The following OXR1 variants were observed in gnomAD, a reference collection of about 807,000 sequenced individuals.
OXR1 encodes oxidation resistance 1, also known as oxidation resistance protein 1.
OXR1 carries 41 observed loss-of-function variants against 104.6 expected under a neutral mutation model. The observed-to-expected ratio is 0.39, with a 90% CI of 0.31 to 0.51. The LOEUF (loss-of-function observed/expected upper bound fraction) is 0.51. Ranked by LOEUF, OXR1 falls within the 20% of genes least tolerant of loss-of-function variation. OXR1 has a pLI of 0.77. For missense variants in OXR1, 955 were observed against 1,031.9 expected, an observed-to-expected ratio of 0.93 and a Z score of 1.02; for synonymous variants, 348 against 348.4, an observed-to-expected ratio of 1.00 and a Z score of 0.01.
At chr8:106,734,849 A>G (rs549710171) in intron 11 of OXR1, among the ~76,000 whole-genome samples, 18 of 152,356 alleles carry the variant, frequency 1.2e-4, no homozygotes, top group Admixed American at 2.0e-4. Flanking sequence ...CTTAGTTCCT[A>G]TAGATAGGAG....
intron 2 of OXR1, among the ~76,000 whole-genome samples, chr8:106,411,574 C>G (rs779346813): frequency 4.6e-5 from 7 of 152,156 alleles, no homozygotes; most frequent in Non-Finnish European, 8.8e-5. Context: ...ATTCCCTGTC[C>G]TTCACACAAT....
chr8:106,317,419 G>T lies in OXR1; in HGVS notation c.-138-42057G>T, dbSNP rs555384791. Among the ~76,000 whole-genome samples the T allele has an allele frequency of 3.8e-4, 58 of 152,098 alleles. 1 individual carries two copies. The South Asian group carries it at 9.3e-3, about 25-fold the overall frequency. The stretch of plus-strand genomic sequence containing the variant: ...TTCATTTATTTATTTTTAGCAATAG[G>T]AATACAGGAAACTATACCAAATTTA... On this transcript the variant is annotated intron_variant, in intron 1 of 16. Coordinates refer to ENST00000517566, the MANE Select transcript of OXR1 (RefSeq NM_001198533.2).
intron 3 of OXR1, among the ~76,000 whole-genome samples, chr8:106,641,074 T>C (rs757189595): frequency 6.6e-6 from 1 of 152,238 alleles, no homozygotes; most frequent in Non-Finnish European, 1.5e-5. Context: ...CCAATCATGC[T>C]AATGACATTT....
At chr8:106,377,050 A>T (rs1266463730) in intron 2 of OXR1, among the ~76,000 whole-genome samples, 1 of 152,224 alleles carries the variant, frequency 6.6e-6, no homozygotes, top group South Asian at 2.1e-4. Context: ...ATGGAACTCT[A>T]TGGAATAATT....
intron 1 of OXR1, among the ~76,000 whole-genome samples, chr8:106,336,060 C>T (rs1011214382): frequency 4.6e-5 from 7 of 152,176 alleles, no homozygotes; most frequent in Non-Finnish European, 1.0e-4. Flanking sequence ...CATGCCACTG[C>T]ACTCCAGTCT....
intron 1 of OXR1, among the ~76,000 whole-genome samples, chr8:106,315,405 A>G (rs1424959801): frequency 6.6e-6 from 1 of 152,188 alleles, no homozygotes; most frequent in Non-Finnish European, 1.5e-5. Flanking sequence ...TATATATGTT[A>G]AATCCCAAGA....
intron 1 of OXR1, among the ~76,000 whole-genome samples, chr8:106,353,444 T>C (rs1017272228): frequency 6.6e-5 from 10 of 151,776 alleles, no homozygotes; most frequent in African/African-American, 2.4e-4. Flanking sequence ...CTTTCCCCAA[T>C]GATTGACTTA....
intron 2 of OXR1, among the ~76,000 whole-genome samples, chr8:106,408,928 C>G (rs1453033317): frequency 1.3e-5 from 2 of 152,138 alleles, no homozygotes; most frequent in Non-Finnish European, 2.9e-5. Context: ...GTTCCCGTTT[C>G]AGGGAACGTC....
intron 1 of OXR1, among the ~76,000 whole-genome samples, chr8:106,347,921 A>G (rs1013979941): frequency 1.3e-5 from 2 of 152,198 alleles, no homozygotes; most frequent in Non-Finnish European, 2.9e-5. Flanking sequence ...CCGTAACATG[A>G]GTTTTCTGAT....
chr8:106,617,386 G>A (rs184573437), intron 3 of OXR1, among the ~76,000 whole-genome samples: 3 of 152,170 alleles, frequency 2.0e-5, no homozygotes, highest in South Asian at 2.1e-4. Context: ...TGAAGATGGC[G>A]CCACTGTACT....
At chr8:106,392,110 C>T (rs1817605798) in intron 2 of OXR1, among the ~76,000 whole-genome samples, 1 of 152,208 alleles carries the variant, frequency 6.6e-6, no homozygotes, top group African/African-American at 2.4e-5. Flanking sequence ...GCTCTTGGTA[C>T]TCTCTGCTGG....
chr8:106,416,350 A>C (rs973243136), intron 2 of OXR1, among the ~76,000 whole-genome samples: 1 of 152,122 alleles, frequency 6.6e-6, no homozygotes, highest in African/African-American at 2.4e-5. Flanking sequence ...TAAAGCTACA[A>C]TTTAAAATTA....
chr8:106,486,283 G>T (rs1052355515), intron 2 of OXR1, among the ~76,000 whole-genome samples: 1 of 152,056 alleles, frequency 6.6e-6, no homozygotes, highest in East Asian at 1.9e-4. Context: ...TAAAAGAAAT[G>T]TTACATTACA....
intron 2 of OXR1, among the ~76,000 whole-genome samples, chr8:106,435,485 A>G (rs1819535184): frequency 6.6e-6 from 1 of 152,138 alleles, no homozygotes; most frequent in South Asian, 2.1e-4. Flanking sequence ...TGTTCCAATA[A>G]TTACCAGTAC....
At chr8:106,663,137 G>T (rs888967398) in intron 3 of OXR1, among the ~76,000 whole-genome samples, 13 of 152,130 alleles carry the variant, frequency 8.5e-5, no homozygotes, top group Admixed American at 3.3e-4. Flanking sequence ...TAGCAAGAAT[G>T]ATAGCTGTAA....
chr8:106,372,904 T>C (rs1816766207), intron 2 of OXR1, among the ~76,000 whole-genome samples: 1 of 152,234 alleles, frequency 6.6e-6, no homozygotes, highest in Non-Finnish European at 1.5e-5. Context: ...ATTATGTTTT[T>C]ATAAATTGTG....
intron 2 of OXR1, 58 bp from the exon 3 acceptor site, chr8:106,518,885 T>C: frequency 3.1e-6 from 4 of 1,277,060 alleles, no homozygotes; most frequent in Non-Finnish European, 4.3e-6. Context: ...ATTATAAACA[T>C]GGAACAAATG....
At chr8:106,467,917 G>C (rs1399055366) in intron 2 of OXR1, among the ~76,000 whole-genome samples, 2 of 151,970 alleles carry the variant, frequency 1.3e-5, no homozygotes, top group Admixed American at 6.6e-5. Context: ...TTTGTGTTTA[G>C]ATATTAATCC....
At chr8:106,436,717 C>G (rs888556353) in intron 2 of OXR1, among the ~76,000 whole-genome samples, 1 of 152,140 alleles carries the variant, frequency 6.6e-6, no homozygotes, top group Non-Finnish European at 1.5e-5. Context: ...CAGCTACCTT[C>G]ACACATAGCC....
Sources: allele counts gnomAD v4.1 joint callset (sites outside exome capture counted in the v4.1 genomes callset), GRCh38; gene constraint gnomAD v4.1.1; transcripts MANE v1.5; gene names NCBI Gene and HGNC (gene_info 2026-07-23, HGNC 2026-07-21).